EML5: variants seen among roughly 807,000 people sequenced by gnomAD.
EML5 encodes the protein EMAP like 5.
Under a neutral mutation model 250.0 loss-of-function variants are expected in EML5, and 120 were observed. The ratio of observed to expected loss-of-function variants is 0.48; its 90% CI spans 0.41 to 0.56. The LOEUF is 0.56. Among genes scored for constraint, EML5 ranks in the 20% least tolerant of loss-of-function variants. The pLI is 0.00. For synonymous variants in EML5, 771 were observed against 806.5 expected, an observed-to-expected ratio of 0.96 and a Z score of 0.75; for missense variants, 2,006 against 2,437.6, an observed-to-expected ratio of 0.82 and a Z score of 3.73.
At chr14:88,754,195 T>C (rs1019487647) in intron 2 of EML5, among the ~76,000 whole-genome samples, 1 of 152,242 alleles carries the variant, frequency 6.6e-6, no homozygotes, top group Non-Finnish European at 1.5e-5. Context: ...TCCTAAGATA[T>C]CATCCATCTG....
At chr14:88,633,452 A>G (rs897238630) in intron 33 of EML5, among the ~76,000 whole-genome samples, 6 of 151,980 alleles carry the variant, frequency 3.9e-5, no homozygotes, top group African/African-American at 1.2e-4. Context: ...TCCATGCTTC[A>G]CTGTGCCTTA....
At chr14:88,790,110 A>G (rs915650757) in intron 1 of EML5, among the ~76,000 whole-genome samples, 4 of 152,206 alleles carry the variant, frequency 2.6e-5, no homozygotes, top group African/African-American at 9.6e-5. Flanking sequence ...AGCTCAATAT[A>G]TTTCACAAAC....
chr14:88,668,741 G>C (rs1439262154), intron 21 of EML5, among the ~76,000 whole-genome samples: 2 of 152,138 alleles, frequency 1.3e-5, no homozygotes, highest in Non-Finnish European at 2.9e-5. Flanking sequence ...GTAGAAAGTT[G>C]AGTTTAAGGG....
intron 11 of EML5, 169 bp from the exon 12 acceptor site, chr14:88,705,757 A>C: frequency 1.5e-6 from 1 of 679,160 alleles, no homozygotes; most frequent in Non-Finnish European, 2.7e-6. Flanking sequence ...ACTGTACTAC[A>C]GATTATCTTC....
intron 36 of EML5, chr14:88,623,587 T>A (rs1377387866): frequency 6.6e-6 from 1 of 152,066 alleles, no homozygotes. Context: ...CTAATTTTTG[T>A]ATTTTTAGTA....
At chr14:88,729,722 G>A (rs574722069) in intron 7 of EML5, among the ~76,000 whole-genome samples, 61 of 151,756 alleles carry the variant, frequency 4.0e-4, no homozygotes, top group Non-Finnish European at 7.1e-4. Flanking sequence ...ACCATTCCCC[G>A]GCTTATTTTT....
At chr14:88,633,732 G>A (rs1198731967) in intron 33 of EML5, among the ~76,000 whole-genome samples, 1 of 152,048 alleles carries the variant, frequency 6.6e-6, no homozygotes, top group Non-Finnish European at 1.5e-5. Context: ...AAGCATGGTC[G>A]TGTCAAATAA....
At chr14:88,624,769 A>C in intron 36 of EML5, 1 of 597,324 alleles carries the variant, frequency 1.7e-6, no homozygotes, top group Non-Finnish European at 2.8e-6. Flanking sequence ...TATCACCCCA[A>C]CATGAAAAAA....
chr14:88,643,008 C>T lies in EML5; in HGVS notation c.4122G>A (p.Glu1374=). 6.3e-7 allele frequency: 1 copy of T among 1,592,152 alleles called. No homozygotes were observed. The highest frequency in any genetic ancestry group is 8.5e-7 in the Non-Finnish European group (1 of 1,174,150). The part of the protein sequence containing the change: ...KKRPIEDLVL[E]LIFGYRGRDC... ...CTCTGCCTCGATAACCAAAAATGAGCTCCAACACAAGGTCCTATAATGATA... is the reference window on the plus strand; with the variant it reads ...CTCTGCCTCGATAACCAAAAATGAGTTCCAACACAAGGTCCTATAATGATA... The change falls in exon 31 of 44, where the codon GAG becomes GAA. Residue 1374 remains glutamate, a synonymous_variant. Transcript: ENST00000554922.
rs1028412993 is a variant in EML5, at chr14:88,684,939, T to C, written c.2982+76A>G. 4 of 1,274,092 alleles carry C rather than the reference T, an allele frequency of 3.1e-6. No homozygotes were observed. In the African/African-American group the frequency reaches 6.1e-5, roughly 19 times the overall value. 78.9% of individuals were successfully genotyped at this position (1,274,092 alleles called of 1,614,324 possible). A position where few individuals can be genotyped will look rare whatever the true frequency, so the allele number is the denominator to read the frequency against. On this transcript the variant is annotated intron_variant, in intron 20 of 43. Transcript: ENST00000554922. ...AATTTAACATTATTTTTCATCACTG[T>C]CAACTTTTGGCTCTTATATATTGAA... is the stretch of plus-strand genomic sequence containing the variant.
At chr14:88,739,869 T>C (rs1308227820) in intron 5 of EML5, among the ~76,000 whole-genome samples, 2 of 152,146 alleles carry the variant, frequency 1.3e-5, no homozygotes, top group Non-Finnish European at 2.9e-5. Flanking sequence ...ACTGAGGACT[T>C]TTCTACACAA....
At chr14:88,792,946 GCGAGCCGAGC>G (rs760126982) in exon 1 of EML5, among the ~76,000 whole-genome samples, 2 of 151,534 alleles carry the variant, frequency 1.3e-5, no homozygotes, top group African/African-American at 2.4e-5. This position sits in a 1 kb window ranked among gnomAD's most constrained non-coding sequence, Gnocchi z 6.9. Context: ...CCGAAACCGA[GCGAGCCGAGC>G]CGAGCCGAGC....
Position 88,625,071 on chromosome 14 carries a change from G to T in EML5, c.4797C>A (p.His1599Gln). ...CTCTCGCCACGATTCTACACAATAT[G>T]TGATCTTTCCACACACAGACATCAC... is the stretch of plus-strand genomic sequence containing the variant. ...ISGDVCVWKDHILCRIVARAH... is the reference protein window; with the variant it reads ...ISGDVCVWKDQILCRIVARAH... Residue 1599 changes from histidine (H) to glutamine (Q), a missense_variant, in exon 36 of 44, where the codon CAC becomes CAA. His to Gln is a conservative substitution (Grantham distance 24, BLOSUM62 0). This residue lies in a region of EML5 where 405 missense variants were observed against 523.3 expected (regional missense o/e 0.77). Coordinates refer to ENST00000554922, the MANE Select transcript of EML5 (RefSeq NM_183387.3). The T allele has an allele frequency of 6.2e-7, 1 of 1,613,920 alleles. No homozygotes were observed. The highest frequency in any genetic ancestry group is 8.5e-7 in the Non-Finnish European group (1 of 1,179,840).
intron 1 of EML5, among the ~76,000 whole-genome samples, chr14:88,791,103 C>T (rs1049395059): frequency 1.1e-4 from 17 of 152,306 alleles, no homozygotes; most frequent in Admixed American, 9.1e-4. Flanking sequence ...TATCTTTACT[C>T]CATCTTGCCC....
intron 8 of EML5, among the ~76,000 whole-genome samples, chr14:88,724,565 T>A (rs1261285092): frequency 2.1e-5 from 3 of 145,338 alleles, no homozygotes; most frequent in Non-Finnish European, 4.5e-5. Flanking sequence ...AGTAAATGTA[T>A]AACTAAAAAA....
At chr14:88,710,850 T>C (rs2093393457) in intron 10 of EML5, among the ~76,000 whole-genome samples, 1 of 152,212 alleles carries the variant, frequency 6.6e-6, no homozygotes, top group Admixed American at 6.5e-5. Flanking sequence ...TGGTAAAATA[T>C]TCACACAGCA....
rs1176769239 is a variant in EML5, at chr14:88,792,377, C to A, written c.127G>T (p.Val43Phe). The A allele has an allele frequency of 6.4e-7, 1 of 1,570,544 alleles. No homozygotes were observed. Among genetic ancestry groups the A allele is most frequent in the Admixed American group, 1.8e-5 (1 of 54,514 alleles). The part of the protein sequence containing the change: ...AKEIVYFVAG[V>F]GVVYSPREHR... ...TCCCGCGGGCTGTACACCACGCCGACCCCCGCCACGAAGTATACGATCTCC... is the reference window on the plus strand; with the variant it reads ...TCCCGCGGGCTGTACACCACGCCGAACCCCGCCACGAAGTATACGATCTCC... Residue 43 changes from valine to phenylalanine, a missense_variant, in exon 1 of 44, where the codon GTC becomes TTC. Physicochemically the swap from Val to Phe is conservative, Grantham distance 50. Coordinates refer to ENST00000554922, the MANE Select transcript of EML5 (RefSeq NM_183387.3). This position sits in a 1 kb window ranked among gnomAD's most constrained non-coding sequence, Gnocchi z 6.9.
At chr14:88,675,166 A>T (rs968469494) in intron 21 of EML5, among the ~76,000 whole-genome samples, 1 of 152,190 alleles carries the variant, frequency 6.6e-6, no homozygotes, top group African/African-American at 2.4e-5. Context: ...CTCTTCTCAT[A>T]ACTCCACTAG....
chr14:88,707,715 A>G (rs1351340705), intron 10 of EML5, among the ~76,000 whole-genome samples: 1 of 152,186 alleles, frequency 6.6e-6, no homozygotes, highest in Non-Finnish European at 1.5e-5. Context: ...CTGCTGCTTA[A>G]TAGTAATACT....
Sources: gnomAD v4.1 joint callset for allele counts (sites outside exome capture counted in the v4.1 genomes callset) on GRCh38, gnomAD v4.1.1 for gene constraint, gnomAD v4.1.1 regional missense constraint, Gnocchi (gnomAD v3.1) non-coding constraint, MANE v1.5 for transcripts, NCBI Gene and HGNC (gene_info 2026-07-23, HGNC 2026-07-21) for gene names.